The following GRID2 variants were observed in gnomAD, a reference collection of about 807,000 sequenced individuals.
GRID2 encodes glutamate receptor ionotropic, delta-2.
In GRID2, 33 loss-of-function variants were observed where a neutral mutation model predicts 114.8. The ratio of observed to expected loss-of-function variants is 0.29; its 90% confidence interval spans 0.22 to 0.38. The LOEUF (loss-of-function observed/expected upper bound fraction) is 0.38. Ranked by LOEUF, GRID2 falls within the 10% of genes least tolerant of loss-of-function variation. The probability of loss-of-function intolerance (pLI) is 1.00; values close to 1 mark genes in which losing one functional copy is unlikely to be tolerated. For synonymous variants in GRID2, 505 were observed against 449.9 expected (o/e 1.12, Z -1.55); for missense variants, 1,184 against 1,257.7 (o/e 0.94, Z 0.89).
At chr4:92,771,486 T>A (rs189398013) in intron 2 of GRID2, among the ~76,000 whole-genome samples, 3 of 152,334 alleles carry the variant, frequency 2.0e-5, no homozygotes, top group Admixed American at 2.0e-4. Flanking sequence ...GATTATTTTC[T>A]GTATTTCATC....
At chr4:92,438,087 TA>T (rs1324222385) in intron 1 of GRID2, among the ~76,000 whole-genome samples, 6 of 152,006 alleles carry the variant, frequency 3.9e-5, no homozygotes, top group African/African-American at 1.5e-4. Context: ...TTCCTAAGAC[TA>T]TTTATGACTT....
At chr4:93,425,812 G>A (rs533687441) in intron 10 of GRID2, among the ~76,000 whole-genome samples, 3 of 152,116 alleles carry the variant, frequency 2.0e-5, no homozygotes, top group Admixed American at 1.3e-4. Flanking sequence ...CTGAACTGAA[G>A]TGGGTCCTCA....
chr4:92,474,979 G>A (rs1448900265), intron 1 of GRID2, among the ~76,000 whole-genome samples: 3 of 80,302 alleles, frequency 3.7e-5, no homozygotes, highest in Non-Finnish European at 7.6e-5. Context: ...GGGGGGGGGT[G>A]GAGGGGGGAG....
chr4:92,693,648 A>G lies in GRID2; in HGVS notation c.244+103362A>G, dbSNP rs1334127837. Among the ~76,000 whole-genome samples, 3 of 152,224 alleles carry G rather than the reference A, an allele frequency of 2.0e-5. No homozygotes were observed. In the East Asian group the frequency reaches 5.8e-4, roughly 29 times the overall value. ...TCACAGACATTTAGGGACTGAAGTT[A>G]CAAATTGAGTGGAATTACATCTAAA... On this transcript the variant is annotated intron_variant, in intron 2 of 15. Coordinates refer to ENST00000282020, the MANE Select transcript of GRID2 (RefSeq NM_001510.4).
At chr4:93,231,606 A>G (rs1410354638) in intron 7 of GRID2, among the ~76,000 whole-genome samples, 1 of 152,132 alleles carries the variant, frequency 6.6e-6, no homozygotes, top group Admixed American at 6.6e-5. Flanking sequence ...AGGAATTGCC[A>G]TGGACGGGAA....
At chr4:93,794,941 TC>T (rs1417219252) in intron 1 of GRID2, among the ~76,000 whole-genome samples, 1 of 152,156 alleles carries the variant, frequency 6.6e-6, no homozygotes, top group African/African-American at 2.4e-5. Flanking sequence ...CTTTAAGTGC[TC>T]CCATGAAGTA....
intron 11 of GRID2, among the ~76,000 whole-genome samples, chr4:93,482,957 CA>C (rs1471397075): frequency 2.0e-5 from 3 of 151,680 alleles, no homozygotes; most frequent in African/African-American, 7.3e-5. Context: ...CATCTTCTGT[CA>C]AAAAAATAAA....
chr4:92,581,067 C>A (rs1225464596), intron 1 of GRID2, among the ~76,000 whole-genome samples: 1 of 151,746 alleles, frequency 6.6e-6, no homozygotes, highest in South Asian at 2.1e-4. Context: ...TGCAACATAG[C>A]ACACAAGGTT....
chr4:93,618,500 T>A (rs907147410), intron 13 of GRID2, among the ~76,000 whole-genome samples: 1 of 152,174 alleles, frequency 6.6e-6, no homozygotes, highest in Non-Finnish European at 1.5e-5. Context: ...ATTCCCCTCC[T>A]GAGACACACA....
chr4:92,395,659 T>TA (rs930170872), intron 1 of GRID2, among the ~76,000 whole-genome samples: 1 of 151,764 alleles, frequency 6.6e-6, no homozygotes, highest in African/African-American at 2.4e-5. Flanking sequence ...GTCTCATAGA[T>TA]AAAACCACAT....
chr4:93,419,539 G>A (rs17331681), intron 9 of GRID2, among the ~76,000 whole-genome samples: 2,335 of 152,058 alleles, frequency 0.015, 24 homozygotes, highest in Non-Finnish European at 0.019. Context: ...GTCCAAATCC[G>A]TAATAGAGCT....
chr4:93,165,648 C>A (rs189396290), intron 4 of GRID2, among the ~76,000 whole-genome samples: 1 of 152,024 alleles, frequency 6.6e-6, no homozygotes, highest in Non-Finnish European at 1.5e-5. Context: ...TTTAGTTTTG[C>A]GCTAACTCCT....
chr4:92,983,415 G>A (rs1242103358), intron 2 of GRID2, among the ~76,000 whole-genome samples: 1 of 151,846 alleles, frequency 6.6e-6, no homozygotes, highest in African/African-American at 2.4e-5. Flanking sequence ...GCTCTTAATG[G>A]CCCCACCTCT....
At chr4:93,456,010 A>T in intron 11 of GRID2, 36 bp downstream of exon 11, 1 of 1,233,336 alleles carries the variant, frequency 8.1e-7, no homozygotes, top group Non-Finnish European at 1.2e-6. Context: ...ATTTAAAAAA[A>T]ATAGAATGTG....
At chr4:92,532,597 G>T (rs944059772) in intron 1 of GRID2, among the ~76,000 whole-genome samples, 1 of 152,150 alleles carries the variant, frequency 6.6e-6, no homozygotes, top group Admixed American at 6.6e-5. Context: ...AATTTTAAAA[G>T]AAGTTTTTCC....
intron 14 of GRID2, among the ~76,000 whole-genome samples, chr4:93,725,114 C>T (rs1729732708): frequency 6.6e-6 from 1 of 152,094 alleles, no homozygotes; most frequent in East Asian, 1.9e-4. Flanking sequence ...GGTATATCTC[C>T]TAATGCTATC....
chr4:93,108,262 G>T (rs531939933), intron 3 of GRID2, among the ~76,000 whole-genome samples: 2 of 152,246 alleles, frequency 1.3e-5, no homozygotes, highest in South Asian at 4.1e-4. Context: ...GTGCTTTGTG[G>T]TTTTAGTTTG....
intron 14 of GRID2, among the ~76,000 whole-genome samples, chr4:93,684,579 G>A (rs1725903398): frequency 6.6e-6 from 1 of 152,118 alleles, no homozygotes; most frequent in East Asian, 1.9e-4. Context: ...ATTGACAGGT[G>A]GGCAAGAAGG....
chr4:92,880,674 A>C (rs1745937709), intron 2 of GRID2, among the ~76,000 whole-genome samples: 1 of 152,180 alleles, frequency 6.6e-6, no homozygotes, highest in South Asian at 2.1e-4. Flanking sequence ...TTTCAAAAAA[A>C]CAAAAACAAA....
Sources: gnomAD v4.1 joint callset for allele counts (sites outside exome capture counted in the v4.1 genomes callset) on GRCh38, gnomAD v4.1.1 for gene constraint, MANE v1.5 for transcripts, NCBI Gene and HGNC (gene_info 2026-07-23, HGNC 2026-07-21) for gene names.